ADAP1: variants seen among roughly 807,000 people sequenced by gnomAD.
The protein encoded by ADAP1 is arf-GAP with dual PH domain-containing protein 1.
In ADAP1, 31 loss-of-function variants were observed where a neutral mutation model predicts 54.9. The ratio of observed to expected loss-of-function variants is 0.56; its 90% CI spans 0.42 to 0.76. The LOEUF (loss-of-function observed/expected upper bound fraction) is 0.76. Among genes scored for constraint, ADAP1 ranks in the 30% least tolerant of loss-of-function variants. ADAP1 has a pLI of 0.00. For missense variants in ADAP1, 535 were observed against 512.4 expected (o/e 1.04, Z -0.42); for synonymous variants, 313 against 202.6 (o/e 1.55, Z -4.63).
intron 2 of ADAP1, among the ~76,000 whole-genome samples, chr7:931,450 G>A (rs1846573887): frequency 6.6e-6 from 1 of 152,182 alleles, no homozygotes; most frequent in African/African-American, 2.4e-5. Context: ...TCGGGGACCT[G>A]GCACCGCGGG....
chr7:931,760 T>C (rs1396462567), intron 2 of ADAP1, among the ~76,000 whole-genome samples: 7 of 116,614 alleles, frequency 6.0e-5, no homozygotes, highest in Non-Finnish European at 1.2e-4. Context: ...TATCAAGGAA[T>C]AGAAAGTAGG....
intron 3 of ADAP1, among the ~76,000 whole-genome samples, chr7:922,226 CCAGCCACACCT>C (rs1846216346): frequency 6.6e-6 from 1 of 152,162 alleles, no homozygotes; most frequent in Admixed American, 6.5e-5. Flanking sequence ...CAGGAAAGCT[CCAGCCACACCT>C]CAGCCCACGC....
intron 4 of ADAP1, among the ~76,000 whole-genome samples, chr7:908,670 C>T (rs911194208): frequency 2.6e-5 from 4 of 152,234 alleles, no homozygotes; most frequent in Non-Finnish European, 5.9e-5. Flanking sequence ...GCTCTGCCTC[C>T]GACATCAGGA....
chr7:900,384 G>A lies in ADAP1; in HGVS notation c.732+149C>T, dbSNP rs552656743. Reference sequence around the variant, plus strand: ...TGAAGTTCTAGAGTGAGGCAGGAGGGCTGCAGGCACGTCAGGGTGAGCCCT... The same window carrying A: ...TGAAGTTCTAGAGTGAGGCAGGAGGACTGCAGGCACGTCAGGGTGAGCCCT... On this transcript the variant is annotated intron_variant, in intron 7 of 10. Transcript: ENST00000265846. 23 of 973,254 alleles carry A rather than the reference G, an allele frequency of 2.4e-5. No homozygotes were observed. In the Admixed American group the frequency reaches 4.4e-4, roughly 19 times the overall value. 60.3% of individuals were successfully genotyped at this position (973,254 alleles called of 1,614,324 possible).
At chr7:944,010 G>C (rs1847077500) in intron 1 of ADAP1, among the ~76,000 whole-genome samples, 1 of 151,970 alleles carries the variant, frequency 6.6e-6, no homozygotes, top group African/African-American at 2.4e-5. Flanking sequence ...CGACCTCCTG[G>C]ATTCAAGTGA....
chr7:930,473 T>C (rs372713614), intron 2 of ADAP1, among the ~76,000 whole-genome samples: 4,922 of 118,212 alleles, frequency 0.042, no homozygotes, highest in South Asian at 0.091. Context: ...GTCAGGAGTT[T>C]GAGACCAGCC....
In ADAP1 at chr7:898,902, G is replaced by C. The variant is rs777766509; in HGVS notation, c.*19C>G. On this transcript the variant is annotated 3_prime_UTR_variant, in exon 11 of 11. Coordinates refer to ENST00000265846, the MANE Select transcript of ADAP1 (RefSeq NM_006869.4). Reference sequence around the variant, plus strand: ...CAGCCACAGTGAGTCCAATGTCCGTGGTCCTCCAGCCGCACTCGCTAAGGT... The same window carrying C: ...CAGCCACAGTGAGTCCAATGTCCGTCGTCCTCCAGCCGCACTCGCTAAGGT... 8 of 1,591,266 alleles carry C rather than the reference G, an allele frequency of 5.0e-6. No individual in the cohort carries two copies. The highest frequency in any genetic ancestry group is 4.3e-6 in the Non-Finnish European group (5 of 1,170,054).
At chr7:916,864 C>A (rs2128103386) in intron 4 of ADAP1, among the ~76,000 whole-genome samples, 1 of 152,170 alleles carries the variant, frequency 6.6e-6, no homozygotes, top group Non-Finnish European at 1.5e-5. Flanking sequence ...CAGCCTCCCA[C>A]CGGTCACCCC....
At chr7:909,148 G>A (rs981576190) in intron 4 of ADAP1, among the ~76,000 whole-genome samples, 6 of 145,794 alleles carry the variant, frequency 4.1e-5, no homozygotes, top group Non-Finnish European at 7.6e-5. Flanking sequence ...GGCGCCAGCG[G>A]GAACCCCGGT....
chr7:910,630 C>G (rs57602366), intron 4 of ADAP1, among the ~76,000 whole-genome samples: 42 of 152,340 alleles, frequency 2.8e-4, no homozygotes, highest in Non-Finnish European at 5.4e-4. Flanking sequence ...TCACACCTCA[C>G]GTATGTGATT....
At chr7:953,116 G>A (rs965317284) in intron 1 of ADAP1, among the ~76,000 whole-genome samples, 1 of 152,142 alleles carries the variant, frequency 6.6e-6, no homozygotes, top group Non-Finnish European at 1.5e-5. Context: ...TGGCTTTCCT[G>A]GGGAGCGTTC....
At chr7:905,668 GAGAAAGGGAAAGGAGAAAGGA>G (rs1845195724) in intron 4 of ADAP1, 1 of 185,504 alleles carries the variant, frequency 5.4e-6, no homozygotes, top group African/African-American at 2.4e-5. Context: ...AAGGAGAAAG[GAGAAAGGGAAAGGAGAAAGGA>G]GAAAGGAGAA....
chr7:920,767 C>T lies in ADAP1; in HGVS notation c.306-717G>A, dbSNP rs909508178. 7 of 1,547,238 alleles carry T rather than the reference C, an allele frequency of 4.5e-6. No homozygotes were observed. Among genetic ancestry groups the T allele is most frequent in the Non-Finnish European group, 6.1e-6 (7 of 1,144,760 alleles). On this transcript the variant is annotated intron_variant, in intron 3 of 10. Coordinates refer to ENST00000265846, the MANE Select transcript of ADAP1 (RefSeq NM_006869.4). The surrounding 1 kb of genome is among the most constrained non-coding windows in gnomAD (Gnocchi z 4.5). ...CCAGAGCCACCCACCACGGCCTCCC[C>T]ATCCACCGTGACTCACTCGAGTGAA...
In ADAP1 at chr7:949,117, G is replaced by A. The variant is rs938580256; in HGVS notation, c.82+5279C>T. On this transcript the variant is annotated intron_variant, in intron 1 of 10. Coordinates refer to ENST00000265846, the MANE Select transcript of ADAP1 (RefSeq NM_006869.4). ...TGAGAGTGAAGGGCTGGTCTGGTCC[G>A]GTCTCCCTGAGCCCCAGTGACTGCA... Among the ~76,000 whole-genome samples the A allele has an allele frequency of 2.4e-4, 37 of 152,330 alleles. No homozygotes were observed. In the East Asian group the frequency reaches 3.7e-3, roughly 15 times the overall value.
intron 5 of ADAP1, among the ~76,000 whole-genome samples, chr7:904,646 A>G (rs557930889): frequency 9.3e-4 from 142 of 152,294 alleles, no homozygotes; most frequent in African/African-American, 3.3e-3. Context: ...CCATCAGCCC[A>G]TGGGTCTGGG....
At chr7:948,367 C>G (rs1048131502) in intron 1 of ADAP1, among the ~76,000 whole-genome samples, 1 of 152,152 alleles carries the variant, frequency 6.6e-6, no homozygotes, top group African/African-American at 2.4e-5. Context: ...TGCAGAAGCG[C>G]TCCATGGTGG....
chr7:939,983 C>G (rs1161415014), intron 1 of ADAP1, among the ~76,000 whole-genome samples: 1 of 152,152 alleles, frequency 6.6e-6, no homozygotes, highest in Non-Finnish European at 1.5e-5. Context: ...ACAAGTGAGG[C>G]TAAGGAGTGG....
At chr7:905,890 A>AGAAGGGAGAAGGGAGAAGGGAGAAAGG (rs1845249120) in intron 4 of ADAP1, among the ~76,000 whole-genome samples, 2 of 2,194 alleles carry the variant, frequency 9.1e-4, no homozygotes, top group Non-Finnish European at 1.8e-3. Context: ...AGGAGAAAGG[A>AGAAGGGAGAAGGGAGAAGGGAGAAAGG]GAAAGGAGAA....
Position 920,692 on chromosome 7 carries a change from GC to G in ADAP1, c.306-643del. ...ATGAGGAGAAGCCCCCGAGAGTAAA[GC>G]CCGGGACGAGGGCCCCCCACGGCAC... On this transcript the variant is annotated intron_variant, in intron 3 of 10. Transcript: ENST00000265846. The surrounding 1 kb of genome is among the most constrained non-coding windows in gnomAD (Gnocchi z 4.5). 1 of 1,077,558 alleles carries G rather than the reference GC, an allele frequency of 9.3e-7. No homozygotes were observed. Among genetic ancestry groups the G allele is most frequent in the South Asian group, 1.5e-5 (1 of 66,424 alleles). 66.7% of individuals were successfully genotyped at this position (1,077,558 alleles called of 1,614,324 possible). A position where few individuals can be genotyped will look rare whatever the true frequency, so the allele number is the denominator to read the frequency against.
Sources: gnomAD v4.1 joint callset for allele counts (sites outside exome capture counted in the v4.1 genomes callset) on GRCh38, gnomAD v4.1.1 for gene constraint, Gnocchi (gnomAD v3.1) non-coding constraint, MANE v1.5 for transcripts, NCBI Gene and HGNC (gene_info 2026-07-23, HGNC 2026-07-21) for gene names.